Variants in NALF1 observed in about 807,000 individuals in gnomAD.
The protein encoded by NALF1 is family with sequence similarity 155 member A.
Under a neutral mutation model 48.4 loss-of-function variants are expected in NALF1, and 3 were observed. The observed-to-expected ratio is 0.06, with a 90% CI of 0.03 to 0.16. The LOEUF (loss-of-function observed/expected upper bound fraction) is 0.16. Ranked by LOEUF, NALF1 falls within the 10% of genes least tolerant of loss-of-function variation. The pLI, the probability that NALF1 is intolerant of heterozygous loss-of-function variation, is 1.00. For missense variants in NALF1, 526 were observed against 571.5 expected, an observed-to-expected ratio of 0.92 and a Z score of 0.81; for synonymous variants, 262 against 245.7, an observed-to-expected ratio of 1.07 and a Z score of -0.62.
At chr13:107,221,379 AC>A (rs1207888424) in intron 1 of NALF1, among the ~76,000 whole-genome samples, 2 of 152,142 alleles carry the variant, frequency 1.3e-5, no homozygotes, top group African/African-American at 4.8e-5. Context: ...GGAGTTCAAG[AC>A]CAGCCTGGCC....
chr13:107,403,462 T>C (rs904548163), intron 1 of NALF1, among the ~76,000 whole-genome samples: 1 of 151,772 alleles, frequency 6.6e-6, no homozygotes. Flanking sequence ...ATGCTTGAAG[T>C]GATTAGATTT....
chr13:107,819,764 T>TTCA (rs1879307972), intron 1 of NALF1, among the ~76,000 whole-genome samples: 10 of 150,036 alleles, frequency 6.7e-5, no homozygotes, highest in East Asian at 2.0e-4. Flanking sequence ...TCTCTCTCTT[T>TTCA]CACACACACA....
intron 1 of NALF1, among the ~76,000 whole-genome samples, chr13:107,762,643 G>C (rs1877298675): frequency 6.6e-6 from 1 of 152,062 alleles, no homozygotes; most frequent in African/African-American, 2.4e-5. Context: ...AGGAAGTTTA[G>C]GAAATGGAAT....
At chr13:107,683,101 A>C (rs1881345310) in intron 1 of NALF1, among the ~76,000 whole-genome samples, 1 of 152,076 alleles carries the variant, frequency 6.6e-6, no homozygotes, top group South Asian at 2.1e-4. Context: ...GTCTCTACAA[A>C]AAAATTCAAA....
intron 1 of NALF1, among the ~76,000 whole-genome samples, chr13:107,267,296 C>T (rs529449741): frequency 6.6e-6 from 1 of 151,866 alleles, no homozygotes; most frequent in East Asian, 1.9e-4. Context: ...TAAAATTGGA[C>T]CAAAGAGGTA....
intron 1 of NALF1, among the ~76,000 whole-genome samples, chr13:107,501,922 G>C (rs191126519): frequency 2.5e-4 from 38 of 152,248 alleles, no homozygotes; most frequent in African/African-American, 8.4e-4. Context: ...CTCTGTTTTA[G>C]TGAAGGCAGA....
At chr13:107,738,736 G>A (rs1310149754) in intron 1 of NALF1, among the ~76,000 whole-genome samples, 1 of 151,246 alleles carries the variant, frequency 6.6e-6, no homozygotes, top group Non-Finnish European at 1.5e-5. Flanking sequence ...GTGTGATCTC[G>A]GCTCACTGCA....
intron 1 of NALF1, among the ~76,000 whole-genome samples, chr13:107,269,848 C>T (rs1332891025): frequency 4.7e-5 from 7 of 149,554 alleles, no homozygotes; most frequent in East Asian, 2.0e-4. Flanking sequence ...CCCGGGTTCA[C>T]GCCATTCTCC....
intron 1 of NALF1, among the ~76,000 whole-genome samples, chr13:107,544,950 C>G (rs1456922653): frequency 6.6e-6 from 1 of 152,108 alleles, no homozygotes; most frequent in East Asian, 1.9e-4. Flanking sequence ...ACAACACAGT[C>G]ACAAAAATAA....
chr13:107,490,927 T>C (rs1458762656), intron 1 of NALF1, among the ~76,000 whole-genome samples: 1 of 152,192 alleles, frequency 6.6e-6, no homozygotes, highest in East Asian at 1.9e-4. Flanking sequence ...AGGACACCTG[T>C]GCCCCTAACC....
chr13:107,216,479 C>T (rs573383235), intron 1 of NALF1, among the ~76,000 whole-genome samples: 2 of 152,288 alleles, frequency 1.3e-5, no homozygotes, highest in Admixed American at 6.5e-5. Flanking sequence ...TAAGGATGGG[C>T]GGTAAGCAGC....
intron 1 of NALF1, among the ~76,000 whole-genome samples, chr13:107,741,916 G>C (rs186720016): frequency 3.1e-4 from 47 of 152,310 alleles, no homozygotes; most frequent in African/African-American, 1.0e-3. Flanking sequence ...CCACAAGCTT[G>C]AGGTAAGGAA....
intron 1 of NALF1, among the ~76,000 whole-genome samples, chr13:107,640,084 A>G (rs78663652): frequency 0.048 from 7,262 of 152,256 alleles, 611 homozygotes; most frequent in African/African-American, 0.17. Context: ...TTATTATTTA[A>G]CTTGCCTTCT....
At chr13:107,333,693 A>C (rs554773767) in intron 1 of NALF1, among the ~76,000 whole-genome samples, 1 of 152,348 alleles carries the variant, frequency 6.6e-6, no homozygotes, top group Admixed American at 6.5e-5. Context: ...AGCTGTTTTA[A>C]GGAGGTTGAT....
intron 1 of NALF1, among the ~76,000 whole-genome samples, chr13:107,734,407 A>ACACAC (rs144033603): frequency 2.9e-4 from 43 of 146,570 alleles, no homozygotes; most frequent in South Asian, 8.6e-4. Flanking sequence ...CCTTTAAAAA[A>ACACAC]AAACACACAC....
At chr13:107,191,846 T>C (rs1056764846) in intron 2 of NALF1, among the ~76,000 whole-genome samples, 1 of 148,932 alleles carries the variant, frequency 6.7e-6, no homozygotes, top group Non-Finnish European at 1.5e-5. Context: ...TTTTTTTTTT[T>C]TTTTTTTGTA....
chr13:107,337,927 G>T (rs1193056858), intron 1 of NALF1, among the ~76,000 whole-genome samples: 1 of 152,138 alleles, frequency 6.6e-6, no homozygotes, highest in Non-Finnish European at 1.5e-5. Context: ...CTACCACCGT[G>T]TCACGCAAAT....
intron 1 of NALF1, among the ~76,000 whole-genome samples, chr13:107,494,537 C>T (rs1402215336): frequency 1.3e-5 from 2 of 152,158 alleles, no homozygotes; most frequent in South Asian, 2.1e-4. Context: ...CTGATGTTCA[C>T]GACCATGATT....
Position 107,204,414 on chromosome 13 carries a change from G to A in NALF1, c.1087+6170C>T, listed in dbSNP as rs563819494. Among the ~76,000 whole-genome samples, 44 of 149,508 alleles carry A rather than the reference G, an allele frequency of 2.9e-4. 1 individual carries two copies. The South Asian group carries it at 5.7e-3, about 19-fold the overall frequency. The stretch of plus-strand genomic sequence containing the variant: ...AGTACTCTTAGCCACTTGTGGAGGT[G>A]AGGCAATGAGACCTTACAGTGGGGG... On this transcript the variant is annotated intron_variant, in intron 2 of 2. Transcript: ENST00000375915.
Sources: allele counts gnomAD v4.1 joint callset (sites outside exome capture counted in the v4.1 genomes callset), GRCh38; gene constraint gnomAD v4.1.1; transcripts MANE v1.5; gene names NCBI Gene and HGNC (gene_info 2026-07-23, HGNC 2026-07-21).